DYM: variants seen among roughly 807,000 people sequenced by gnomAD.
The protein encoded by DYM is dymeclin.
In DYM, 78 loss-of-function variants were observed where a neutral mutation model predicts 93.1. The observed-to-expected ratio is 0.84, with a 90% CI of 0.70 to 1.01. The LOEUF (loss-of-function observed/expected upper bound fraction) is 1.01, where lower values mean the gene tolerates loss of function less well. DYM is among the 50% of genes least tolerant of loss of function. The probability of loss-of-function intolerance (pLI) is 0.00; values close to 1 mark genes in which losing one functional copy is unlikely to be tolerated. For synonymous variants in DYM, 321 were observed against 319.7 expected (o/e 1.00, Z -0.04); for missense variants, 789 against 845.0 (o/e 0.93, Z 0.82).
intron 5 of DYM, among the ~76,000 whole-genome samples, chr18:49,365,907 T>C (rs2066478399): frequency 6.6e-6 from 1 of 152,186 alleles, no homozygotes; most frequent in Admixed American, 6.5e-5. Context: ...CTCGGCCAAA[T>C]TTACAGTTGG....
At chr18:49,308,031 T>A (rs1386446968) in intron 8 of DYM, among the ~76,000 whole-genome samples, 1 of 152,196 alleles carries the variant, frequency 6.6e-6, no homozygotes, top group African/African-American at 2.4e-5. Context: ...GTACCCTTAA[T>A]ATTCTCTAAT....
intron 6 of DYM, among the ~76,000 whole-genome samples, chr18:49,348,267 T>C (rs970106022): frequency 6.6e-6 from 1 of 152,054 alleles, no homozygotes; most frequent in Non-Finnish European, 1.5e-5. Flanking sequence ...AGACCAAAAT[T>C]TAGAAATATC....
intron 17 of DYM, among the ~76,000 whole-genome samples, chr18:49,047,238 C>T (rs1426904392): frequency 6.6e-6 from 1 of 152,242 alleles, no homozygotes. Context: ...CCCCACACTG[C>T]AGTCCCCTTT....
At chr18:49,197,457 G>A (rs62102349) in intron 14 of DYM, among the ~76,000 whole-genome samples, 32,937 of 151,812 alleles carry the variant, frequency 0.22, 3,687 homozygotes, top group East Asian at 0.38. Flanking sequence ...TAAAGAAGGC[G>A]GTGAAGTTTC....
At chr18:49,339,393 G>C (rs1258114222) in intron 6 of DYM, among the ~76,000 whole-genome samples, 2 of 152,210 alleles carry the variant, frequency 1.3e-5, no homozygotes, top group African/African-American at 4.8e-5. Context: ...ACAAAAGTGA[G>C]AGTTATGTCA....
intron 17 of DYM, among the ~76,000 whole-genome samples, chr18:49,056,728 T>C (rs1188982635): frequency 6.6e-6 from 1 of 151,760 alleles, no homozygotes; most frequent in African/African-American, 2.4e-5. Flanking sequence ...TTTGTATTTT[T>C]AGTAGAGACG....
At chr18:49,109,029 C>T (rs1002232039) in intron 16 of DYM, among the ~76,000 whole-genome samples, 1 of 147,476 alleles carries the variant, frequency 6.8e-6, no homozygotes, top group Admixed American at 6.8e-5. Context: ...CATCCTACCC[C>T]TTTTTTTTTT....
intron 14 of DYM, among the ~76,000 whole-genome samples, chr18:49,201,934 GCACAGGACTAATCACACGGTAAT>G (rs748531494): frequency 3.9e-5 from 6 of 152,060 alleles, no homozygotes; most frequent in Non-Finnish European, 8.8e-5. Flanking sequence ...TTGCTGTTTG[GCACAGGACTAATCACACGGTAAT>G]CACTGAATAA....
chr18:49,201,734 T>C (rs933598811), intron 14 of DYM, among the ~76,000 whole-genome samples: 3 of 152,254 alleles, frequency 2.0e-5, no homozygotes, highest in African/African-American at 4.8e-5. Flanking sequence ...GAGTTTTCCA[T>C]GCCTACTCTG....
At chr18:49,425,227 A>C (rs1366582182) in intron 2 of DYM, among the ~76,000 whole-genome samples, 6 of 152,208 alleles carry the variant, frequency 3.9e-5, no homozygotes, top group Non-Finnish European at 8.8e-5. Context: ...CAGAGCCCTC[A>C]GAAATAATAC....
At chr18:49,174,845 G>T (rs1180438919) in intron 14 of DYM, among the ~76,000 whole-genome samples, 1 of 152,092 alleles carries the variant, frequency 6.6e-6, no homozygotes, top group Admixed American at 6.6e-5. Flanking sequence ...CAGAGAGAGA[G>T]CGAGAACTGA....
chr18:49,153,996 A>G (rs1433489290), intron 15 of DYM, among the ~76,000 whole-genome samples: 2 of 152,206 alleles, frequency 1.3e-5, no homozygotes, highest in South Asian at 4.1e-4. Context: ...CCAGTAATAC[A>G]TATCAATATC....
chr18:49,363,416 A>G (rs569279704), intron 5 of DYM, among the ~76,000 whole-genome samples, 183 bp from the exon 6 acceptor site: 2 of 152,350 alleles, frequency 1.3e-5, no homozygotes, highest in African/African-American at 4.8e-5. Context: ...GATGATCTTC[A>G]TCTAGCATAG....
chr18:49,125,532 T>G (rs1288597648), intron 15 of DYM, among the ~76,000 whole-genome samples: 1 of 152,238 alleles, frequency 6.6e-6, no homozygotes, highest in Non-Finnish European at 1.5e-5. Flanking sequence ...CTACGTTAAT[T>G]GGTTTTATTA....
chr18:49,331,421 T>C (rs1055147516), intron 8 of DYM, among the ~76,000 whole-genome samples: 1 of 152,216 alleles, frequency 6.6e-6, no homozygotes, highest in Non-Finnish European at 1.5e-5. Flanking sequence ...TTCTGCAAAA[T>C]ATTCAGTTGT....
At chr18:49,063,354 C>T (rs535838618) in intron 17 of DYM, among the ~76,000 whole-genome samples, 10 of 147,088 alleles carry the variant, frequency 6.8e-5, no homozygotes, top group Admixed American at 3.4e-4. Flanking sequence ...TTCCCTCTTA[C>T]TAAAAACCTT....
rs558397548 is a variant in DYM, at chr18:49,193,351, T to A, written c.1625+16200A>T. 2.6e-5 allele frequency among the ~76,000 whole-genome samples: 4 copies of A among 152,268 alleles called. No individual in the cohort carries two copies. In the East Asian group the frequency reaches 7.7e-4, roughly 29 times the overall value. On this transcript the variant is annotated intron_variant, in intron 14 of 17. Transcript: ENST00000675505. ...CTCTAATATGTAGTCTTTAAAAAAT[T>A]CTATACATCTAAAGATCATTTAAAA...
intron 17 of DYM, among the ~76,000 whole-genome samples, chr18:49,081,322 C>A (rs844289): frequency 0.31 from 46,471 of 151,016 alleles, 8,203 homozygotes; most frequent in East Asian, 0.6. Context: ...GCCAACACAG[C>A]GAAACCCCGT....
At chr18:49,139,112 T>C (rs1040861295) in intron 15 of DYM, among the ~76,000 whole-genome samples, 1 of 152,322 alleles carries the variant, frequency 6.6e-6, no homozygotes, top group East Asian at 1.9e-4. Flanking sequence ...TTATTGTACA[T>C]GAGGAATAGC....
Sources: gnomAD v4.1 joint callset for allele counts (sites outside exome capture counted in the v4.1 genomes callset) on GRCh38, gnomAD v4.1.1 for gene constraint, MANE v1.5 for transcripts, NCBI Gene and HGNC (gene_info 2026-07-23, HGNC 2026-07-21) for gene names.